FAM149B1: variants seen among roughly 807,000 people sequenced by gnomAD.
FAM149B1 encodes primary cilium assembly protein FAM149B1.
FAM149B1 carries 56 observed loss-of-function variants against 75.3 expected under a neutral mutation model. The observed-to-expected ratio is 0.74, with a 90% CI of 0.60 to 0.93. The LOEUF (loss-of-function observed/expected upper bound fraction) is 0.93. Among genes scored for constraint, FAM149B1 ranks in the 40% least tolerant of loss-of-function variants. The pLI is 0.00. For missense variants in FAM149B1, 639 were observed against 708.4 expected (o/e 0.90, Z 1.11); for synonymous variants, 259 against 256.1 (o/e 1.01, Z -0.11).
At chr10:73,239,903 T>C (rs1277429145) in intron 13 of FAM149B1, among the ~76,000 whole-genome samples, 1 of 152,226 alleles carries the variant, frequency 6.6e-6, no homozygotes, top group Non-Finnish European at 1.5e-5. Flanking sequence ...GTAGATGTAC[T>C]AACAAAGAAG....
chr10:73,181,040 A>G (rs2042385250), intron 3 of FAM149B1, among the ~76,000 whole-genome samples: 1 of 145,218 alleles, frequency 6.9e-6, no homozygotes, highest in East Asian at 2.0e-4. Context: ...GGAGTGTCGC[A>G]TTGTCACCCA....
intron 9 of FAM149B1, among the ~76,000 whole-genome samples, chr10:73,231,843 G>T (rs1440484302): frequency 6.6e-6 from 1 of 150,590 alleles, no homozygotes; most frequent in Non-Finnish European, 1.5e-5. Context: ...ATCAAATCCA[G>T]AAGTTCATAG....
Position 73,172,878 on chromosome 10 carries a change from A to G in FAM149B1, c.48-1809A>G, listed in dbSNP as rs138265781. On this transcript the variant is annotated intron_variant, in intron 1 of 13. Coordinates refer to ENST00000242505, the MANE Select transcript of FAM149B1 (RefSeq NM_173348.2). ...CAGTACTTTGGGAGGCTGAGGTAGGAGGATCATTTGAGGCCAGGAGTTAGA... is the reference window on the plus strand; with the variant it reads ...CAGTACTTTGGGAGGCTGAGGTAGGGGGATCATTTGAGGCCAGGAGTTAGA... Among the ~76,000 whole-genome samples, 465 of 151,960 alleles carry G rather than the reference A, an allele frequency of 3.1e-3. 10 individuals are homozygous for G. The highest frequency in any genetic ancestry group is 0.01 in the African/African-American group (425 of 41,452).
chr10:73,213,181 A>G (rs925853749), intron 7 of FAM149B1, among the ~76,000 whole-genome samples: 2 of 151,968 alleles, frequency 1.3e-5, no homozygotes, highest in African/African-American at 4.8e-5. Context: ...AAATAGGGTT[A>G]TTTATTGTTT....
At position 73,235,234 on chromosome 10, in the gene FAM149B1, G is replaced by A. The variant is rs1364812031; in HGVS notation, c.1518G>A (p.Val506=). The part of the protein sequence containing the change: ...GDSSRAQSAV[V]DEPNYQQPQE... ...CTAGTCGAGCTCAAAGTGCGGTGGT[G>A]GATGAACCTAACTATCAGCAGCCAC... Residue 506 remains valine, a synonymous_variant, in exon 12 of 14, where the codon GTG becomes GTA. Coordinates refer to ENST00000242505, the MANE Select transcript of FAM149B1 (RefSeq NM_173348.2). 6 of 1,551,776 alleles carry A rather than the reference G, an allele frequency of 3.9e-6. No homozygotes were observed. Among genetic ancestry groups the A allele is most frequent in the African/African-American group, 1.4e-5 (1 of 73,152 alleles).
intron 3 of FAM149B1, among the ~76,000 whole-genome samples, chr10:73,191,027 A>G (rs1271016472): frequency 6.6e-6 from 1 of 151,746 alleles, no homozygotes; most frequent in Non-Finnish European, 1.5e-5. Context: ...CCCTCTGACT[A>G]TTCTGGTTTT....
rs1286659639 is a variant in FAM149B1, at chr10:73,243,580, T to C, written c.*2561T>C. ...TTATCCATAGACAGAAAGTACCTAGTGGTTGCCAGGGGCTGGAAAAGTGGA... is the reference window on the plus strand; with the variant it reads ...TTATCCATAGACAGAAAGTACCTAGCGGTTGCCAGGGGCTGGAAAAGTGGA... On this transcript the variant is annotated 3_prime_UTR_variant, in exon 14 of 14. Transcript: ENST00000242505. The C allele has an allele frequency of 6.3e-7, 1 of 1,598,662 alleles. No individual in the cohort carries two copies.
intron 8 of FAM149B1, among the ~76,000 whole-genome samples, chr10:73,229,231 T>C (rs987086275): frequency 6.6e-6 from 1 of 152,058 alleles, no homozygotes; most frequent in East Asian, 1.9e-4. Context: ...AATAGTTTCC[T>C]GGTGTTACTT....
chr10:73,241,179 A>G lies in FAM149B1; in HGVS notation c.*160A>G, dbSNP rs3763725. 56,771 of 598,680 alleles carry G rather than the reference A, an allele frequency of 0.095. 4,415 individuals carry two copies. Among genetic ancestry groups the G allele is most frequent in the East Asian group, 0.29 (9,358 of 32,306 alleles). 37.1% of individuals were successfully genotyped at this position (598,680 alleles called of 1,614,324 possible). On this transcript the variant is annotated 3_prime_UTR_variant, in exon 14 of 14. Coordinates refer to ENST00000242505, the MANE Select transcript of FAM149B1 (RefSeq NM_173348.2). ...TGACCGAAGAACAAAACACCATAGC[A>G]GCCAAAAATGACATGAGTGTTGTTT... is the stretch of plus-strand genomic sequence containing the variant.
intron 9 of FAM149B1, chr10:73,231,305 T>A (rs1030644868): frequency 6.6e-6 from 1 of 152,196 alleles, no homozygotes; most frequent in Non-Finnish European, 1.5e-5. Context: ...CTTGTATAGG[T>A]CTTTTTTGTG....
In FAM149B1 at chr10:73,185,378, A is replaced by G. The variant is rs2042494910; in HGVS notation, c.283-7178A>G. 1.3e-5 allele frequency among the ~76,000 whole-genome samples: 2 copies of G among 152,088 alleles called. 1 individual carries two copies. The highest frequency in any genetic ancestry group is 4.1e-4 in the South Asian group (2 of 4,830). Reference sequence around the variant, plus strand: ...AGCCTGAGCAACATAGTGAGACCCCATCTCTATGAAAACTAAAACAATTAG... The same window carrying G: ...AGCCTGAGCAACATAGTGAGACCCCGTCTCTATGAAAACTAAAACAATTAG... On this transcript the variant is annotated intron_variant, in intron 3 of 13. Transcript: ENST00000242505.
At chr10:73,224,049 CTG>C (rs1199525726) in intron 7 of FAM149B1, among the ~76,000 whole-genome samples, 2 of 152,130 alleles carry the variant, frequency 1.3e-5, no homozygotes, top group African/African-American at 2.4e-5. Flanking sequence ...TGTATTGTAA[CTG>C]TAATTTTGAG....
In FAM149B1 at chr10:73,235,249, T is replaced by C. The variant is rs993602320; in HGVS notation, c.1533T>C (p.Tyr511=). The C allele has an allele frequency of 5.2e-6, 8 of 1,551,688 alleles. No individual in the cohort carries two copies. The Admixed American group carries it at 1.4e-4, about 27-fold the overall frequency. ...GTGCGGTGGTGGATGAACCTAACTA[T>C]CAGCAGCCACAAGAAAGGCTCCTTT... ...AQSAVVDEPN[Y]QQPQERLLLP... The change falls in exon 12 of 14, where the codon TAT becomes TAC. Residue 511 remains tyrosine (Y), a synonymous_variant. Transcript: ENST00000242505.
chr10:73,187,268 G>GCA (rs2042550003), intron 3 of FAM149B1, among the ~76,000 whole-genome samples: 1 of 151,608 alleles, frequency 6.6e-6, no homozygotes, highest in African/African-American at 2.4e-5. Context: ...TAATAATATG[G>GCA]CATTTCTCCC....
intron 7 of FAM149B1, among the ~76,000 whole-genome samples, chr10:73,222,873 G>A (rs879801527): frequency 1.3e-5 from 2 of 152,040 alleles, no homozygotes; most frequent in Admixed American, 6.6e-5. Flanking sequence ...GGAAAAAAAA[G>A]TTTTTATTGA....
At chr10:73,187,002 A>C (rs2042539957) in intron 3 of FAM149B1, among the ~76,000 whole-genome samples, 1 of 152,206 alleles carries the variant, frequency 6.6e-6, no homozygotes, top group South Asian at 2.1e-4. Context: ...TGAATTTGAC[A>C]ATTTAAAAGG....
rs1010168950 is a variant in FAM149B1, at chr10:73,228,067, G to C, written c.906G>C (p.Glu302Asp). ...TCCTGTTCCTTTGCCCAGATGATGAGAGTAATGTTGCAGTTACCAGACCCG... is the reference window on the plus strand; with the variant it reads ...TCCTGTTCCTTTGCCCAGATGATGACAGTAATGTTGCAGTTACCAGACCCG... ...SHWEGFASDD[E>D]SNVAVTRPDS... is the part of the protein sequence containing the mutation. Residue 302 changes from glutamate (E) to aspartate (D), a missense_variant, in exon 8 of 14, where the codon GAG (glutamate) becomes GAC (aspartate). Glu to Asp is a conservative substitution (Grantham distance 45, BLOSUM62 2). Transcript: ENST00000242505. The C allele has an allele frequency of 3.9e-6, 6 of 1,551,712 alleles. No homozygotes were observed. The Admixed American group carries it at 7.8e-5, about 20-fold the overall frequency.
At chr10:73,169,070 T>G (rs1416274552) in intron 1 of FAM149B1, 1 of 151,934 alleles carries the variant, frequency 6.6e-6, no homozygotes, top group Non-Finnish European at 1.5e-5. Context: ...TCCCAGCACT[T>G]TGGGAGGCTG....
At chr10:73,184,595 G>C in intron 3 of FAM149B1, among the ~76,000 whole-genome samples, 1 of 152,194 alleles carries the variant, frequency 6.6e-6, no homozygotes, top group African/African-American at 2.4e-5. Context: ...AGCCACCTTG[G>C]AATTAAATTA....
Sources: gnomAD v4.1 joint callset for allele counts (sites outside exome capture counted in the v4.1 genomes callset) on GRCh38, gnomAD v4.1.1 for gene constraint, MANE v1.5 for transcripts, NCBI Gene and HGNC (gene_info 2026-07-23, HGNC 2026-07-21) for gene names.